Variants in CYP4X1 observed in about 807,000 individuals in gnomAD.
CYP4X1 encodes the protein cytochrome P450 4X1.
Under a neutral mutation model 57.9 loss-of-function variants are expected in CYP4X1, and 44 were observed. That is an observed-to-expected ratio of 0.76 (90% CI 0.60 to 0.98). The LOEUF (loss-of-function observed/expected upper bound fraction) is 0.98, where lower values mean the gene tolerates loss of function less well. Ranked by LOEUF, CYP4X1 falls within the 50% of genes least tolerant of loss-of-function variation. The pLI is 0.00. For synonymous variants in CYP4X1, 227 were observed against 228.6 expected, an observed-to-expected ratio of 0.99 and a Z score of 0.06; for missense variants, 532 against 623.9, an observed-to-expected ratio of 0.85 and a Z score of 1.57.
At chr1:46,965,945 G>A in the CYP4X1 span, among the ~76,000 whole-genome samples, 1 of 152,194 alleles carries the variant, frequency 6.6e-6, no homozygotes, top group Non-Finnish European at 1.5e-5. Flanking sequence ...CAGTGAGAAG[G>A]AATGGATCAG....
chr1:47,017,988 G>A, the CYP4X1 span, among the ~76,000 whole-genome samples: 5 of 152,086 alleles, frequency 3.3e-5, no homozygotes, highest in African/African-American at 1.2e-4. Context: ...TCAAATTTTG[G>A]GGGTTCACAT....
the CYP4X1 span, chr1:47,000,998 C>T: frequency 4.7e-4 from 100 of 214,826 alleles, no homozygotes; most frequent in African/African-American, 2.1e-3. Flanking sequence ...GGGATACTGG[C>T]AGGATCAGAA....
intron 8 of CYP4X1, among the ~76,000 whole-genome samples, chr1:47,043,228 A>C (rs1051028822): frequency 6.6e-6 from 1 of 151,978 alleles, no homozygotes; most frequent in Non-Finnish European, 1.5e-5. Context: ...GCATTTTTTC[A>C]TATATTTGTT....
At chr1:47,051,122 A>G (rs760200836), downstream of CYP4X1, among the ~76,000 whole-genome samples, 3 of 152,248 alleles carry the variant, frequency 2.0e-5, no homozygotes, top group Non-Finnish European at 4.4e-5. Flanking sequence ...CAAAAGACAC[A>G]TGAAAAAATG....
At chr1:47,021,402 C>T (rs1475236794), upstream of CYP4X1, among the ~76,000 whole-genome samples, 1 of 152,126 alleles carries the variant, frequency 6.6e-6, no homozygotes, top group African/African-American at 2.4e-5. Context: ...GGGGAAAACC[C>T]ACCTCTTGCA....
At chr1:47,015,504 C>T in the CYP4X1 span, among the ~76,000 whole-genome samples, 2 of 152,188 alleles carry the variant, frequency 1.3e-5, no homozygotes, top group African/African-American at 4.8e-5. Context: ...CCTGTTTCCT[C>T]CTCCCATTCT....
At chr1:47,055,130 G>GC (rs1644385359), downstream of CYP4X1, among the ~76,000 whole-genome samples, 1 of 152,088 alleles carries the variant, frequency 6.6e-6, no homozygotes, top group Non-Finnish European at 1.5e-5. Context: ...TTAGCATGAA[G>GC]GTTGTTGAAT....
intron 8 of CYP4X1, among the ~76,000 whole-genome samples, chr1:47,043,611 G>T (rs1166959227): frequency 6.6e-6 from 1 of 151,684 alleles, no homozygotes; most frequent in Admixed American, 6.6e-5. Context: ...GAATTTTTAT[G>T]GTTCAGGTCT....
At chr1:47,024,911 CA>C (rs1644045471) in intron 1 of CYP4X1, among the ~76,000 whole-genome samples, 1 of 152,148 alleles carries the variant, frequency 6.6e-6, no homozygotes. Context: ...ATAAAGCAAC[CA>C]CTTTCAACTC....
the CYP4X1 span, among the ~76,000 whole-genome samples, chr1:47,003,981 A>G: frequency 6.6e-6 from 1 of 152,244 alleles, no homozygotes; most frequent in African/African-American, 2.4e-5. Flanking sequence ...GACAGAGAAC[A>G]TAAGGCTAAT....
In CYP4X1 at chr1:47,024,083, C is replaced by G. The variant is rs914205029; in HGVS notation, c.177+89C>G. 3 of 1,469,942 alleles carry G rather than the reference C, an allele frequency of 2.0e-6. No homozygotes were observed. In the African/African-American group the frequency reaches 4.2e-5, roughly 21 times the overall value. The allele number at this position is 1,469,942 out of a possible 1,614,324, so 91.1% of individuals were successfully genotyped here. On this transcript the variant is annotated intron_variant, in intron 1 of 11. Coordinates refer to ENST00000371901, the MANE Select transcript of CYP4X1 (RefSeq NM_178033.2). ...CCAGCCGGCAGAGAGACGCAGCTTTCTTCCATCCCTGGGGACCCTCCGGCT... is the reference window on the plus strand; with the variant it reads ...CCAGCCGGCAGAGAGACGCAGCTTTGTTCCATCCCTGGGGACCCTCCGGCT...
At chr1:46,967,757 A>G in the CYP4X1 span, 1 of 1,295,510 alleles carries the variant, frequency 7.7e-7, no homozygotes, top group Non-Finnish European at 1.0e-6. Context: ...AGCAAAATTC[A>G]TGGTATGCCG....
intron 8 of CYP4X1, among the ~76,000 whole-genome samples, chr1:47,046,262 G>T (rs1405640848): frequency 6.6e-6 from 1 of 152,124 alleles, no homozygotes; most frequent in African/African-American, 2.4e-5. Context: ...TTATAATAAG[G>T]ATATATGATA....
intron 8 of CYP4X1, among the ~76,000 whole-genome samples, chr1:47,042,153 G>A (rs534966057): frequency 4.7e-4 from 72 of 152,046 alleles, no homozygotes; most frequent in African/African-American, 1.7e-3. Flanking sequence ...TTTTTTAGAA[G>A]CTCTATGCTG....
At chr1:47,053,607 A>T (rs1162291209), downstream of CYP4X1, among the ~76,000 whole-genome samples, 1 of 152,214 alleles carries the variant, frequency 6.6e-6, no homozygotes, top group Non-Finnish European at 1.5e-5. Context: ...AATGATCGCC[A>T]TTCTAACTGG....
intron 4 of CYP4X1, among the ~76,000 whole-genome samples, chr1:47,035,153 T>G (rs974842726): frequency 1.3e-5 from 2 of 151,824 alleles, no homozygotes; most frequent in East Asian, 3.9e-4. Flanking sequence ...TTTATTTTAA[T>G]TTTTACACAA....
chr1:47,021,142 CAAAAAAAAAAAA>C (rs546594827), upstream of CYP4X1, among the ~76,000 whole-genome samples: 3 of 47,452 alleles, frequency 6.3e-5, no homozygotes, highest in East Asian at 1.7e-3. Flanking sequence ...GCAGGAATGC[CAAAAAAAAAAAA>C]AAAAAAAAAA....
chr1:46,986,926 A>G, the CYP4X1 span, among the ~76,000 whole-genome samples: 3 of 152,206 alleles, frequency 2.0e-5, no homozygotes, highest in African/African-American at 2.4e-5. Context: ...GCAAAAATAT[A>G]CCAAATTGTA....
chr1:47,036,001 C>A lies in CYP4X1; in HGVS notation c.621-16C>A. ...TAAGTTGTTTATTAACACATTATCC[C>A]AACTTTCTCTTCTAGCACCCATGAT... On this transcript the variant is annotated splice_polypyrimidine_tract_variant and intron_variant, in intron 5 of 11. Transcript: ENST00000371901. 6.2e-7 allele frequency: 1 copy of A among 1,609,946 alleles called. No homozygotes were observed. Among genetic ancestry groups the A allele is most frequent in the Non-Finnish European group, 8.5e-7 (1 of 1,177,094 alleles).
Sources: allele counts gnomAD v4.1 joint callset (sites outside exome capture counted in the v4.1 genomes callset), GRCh38; gene constraint gnomAD v4.1.1; transcripts MANE v1.5; gene names NCBI Gene and HGNC (gene_info 2026-07-23, HGNC 2026-07-21).